Variants in SYNE1 observed in about 807,000 individuals in gnomAD.
The protein encoded by SYNE1 is nesprin-1.
SYNE1 carries 616 observed loss-of-function variants against 1,111.0 expected under a neutral mutation model. The observed-to-expected ratio is 0.55, with a 90% CI of 0.52 to 0.59. SYNE1 has a LOEUF of 0.59. Among genes scored for constraint, SYNE1 ranks in the 20% least tolerant of loss-of-function variants. The pLI is 0.00. For synonymous variants in SYNE1, 3,855 were observed against 3,825.8 expected, an observed-to-expected ratio of 1.01 and a Z score of -0.28; for missense variants, 10,006 against 10,417.0, an observed-to-expected ratio of 0.96 and a Z score of 1.72.
At position 152,419,662 on chromosome 6, in the gene SYNE1, G is replaced by A. The variant is rs763734577; in HGVS notation, c.5328C>T (p.Ser1776=). The A allele has an allele frequency of 6.2e-7, 1 of 1,613,986 alleles. No individual in the cohort carries two copies. The highest frequency in any genetic ancestry group is 8.5e-7 in the Non-Finnish European group (1 of 1,179,970). ...EHQQFDELLL[S]FSVWIKLFLS... ...GAAACAGTTTAATCCAGACAGAAAA[G>A]GAAAGCAGCAGCTCATCAAATTGCT... Residue 1776 remains serine (S), a synonymous_variant, in exon 40 of 146, where the codon TCC becomes TCT. Transcript: ENST00000367255.
chr6:152,250,080 C>A (rs4870088), intron 104 of SYNE1, among the ~76,000 whole-genome samples: 98,367 of 150,960 alleles, frequency 0.65, 32,485 homozygotes, highest in East Asian at 0.88. Flanking sequence ...CGGGGCAACA[C>A]AGTGCACCCG....
At chr6:152,447,727 G>T in intron 28 of SYNE1, 105 bp from the exon 29 acceptor site, 1 of 1,340,554 alleles carries the variant, frequency 7.5e-7, no homozygotes, top group Non-Finnish European at 1.1e-6. Flanking sequence ...GAGCAGAATA[G>T]AGCCAGACAT....
chr6:152,386,972 T>C (rs1380737597), intron 54 of SYNE1, 100 bp downstream of exon 54: 17 of 1,100,834 alleles, frequency 1.5e-5, no homozygotes, highest in Non-Finnish European at 2.0e-5. Flanking sequence ...CACAGTTTCT[T>C]CTTTACCTGA....
intron 40 of SYNE1, among the ~76,000 whole-genome samples, chr6:152,417,230 G>A (rs888778425): frequency 1.3e-5 from 2 of 152,188 alleles, no homozygotes; most frequent in East Asian, 1.9e-4. Flanking sequence ...CAGGCGCGGT[G>A]GCTCACGCCT....
In SYNE1 at chr6:152,183,373, T is replaced by C. The variant is rs542809356; in HGVS notation, c.23302-3079A>G. Among the ~76,000 whole-genome samples the C allele has an allele frequency of 6.0e-4, 91 of 152,058 alleles. 1 individual carries two copies. The highest frequency in any genetic ancestry group is 3.2e-4 in the Non-Finnish European group (22 of 68,002). ...GGCACATGCCTGTAATCCCAGCACT[T>C]TGGGAGGCCGAGGTGGGCAGAGTTC... On this transcript the variant is annotated intron_variant, in intron 128 of 145. Coordinates refer to ENST00000367255, the MANE Select transcript of SYNE1 (RefSeq NM_182961.4).
At chr6:152,353,817 T>A in intron 67 of SYNE1, 73 bp from the exon 68 acceptor site, 1 of 1,582,320 alleles carries the variant, frequency 6.3e-7, no homozygotes. Flanking sequence ...TATCTTCTTA[T>A]AGGAAATGGT....
At chr6:152,235,446 C>T (rs2083780304) in intron 110 of SYNE1, among the ~76,000 whole-genome samples, 1 of 152,132 alleles carries the variant, frequency 6.6e-6, no homozygotes, top group South Asian at 2.1e-4. Context: ...ACTGCAACCT[C>T]CCCTTCCCGG....
chr6:152,619,130 C>T (rs2099669307), intron 3 of SYNE1, among the ~76,000 whole-genome samples: 1 of 151,830 alleles, frequency 6.6e-6, no homozygotes, highest in South Asian at 2.1e-4. Context: ...ATAATAATAA[C>T]CTGGGATGTG....
chr6:152,161,551 G>GT (rs976767203), intron 131 of SYNE1, among the ~76,000 whole-genome samples: 2 of 151,660 alleles, frequency 1.3e-5, no homozygotes, highest in African/African-American at 4.8e-5. Flanking sequence ...CTGTGAGTTT[G>GT]TTTGTTTTGT....
intron 59 of SYNE1, 48 bp downstream of exon 59, chr6:152,372,989 A>G (rs542321299): frequency 6.3e-7 from 1 of 1,597,590 alleles, no homozygotes; most frequent in Non-Finnish European, 8.6e-7. Context: ...AACAACAACA[A>G]CAATAACAAA....
Position 152,256,651 on chromosome 6 carries a change from C to T in SYNE1, c.19087G>A (p.Glu6363Lys), listed in dbSNP as rs886044595. 14 of 1,613,572 alleles carry T rather than the reference C, an allele frequency of 8.7e-6. No individual in the cohort carries two copies. Among genetic ancestry groups the T allele is most frequent in the African/African-American group, 4.0e-5 (3 of 74,886 alleles). Residue 6363 changes from glutamate (E) to lysine (K), a missense_variant, in exon 102 of 146, where the codon GAG (glutamate) becomes AAG (lysine). This residue lies in a region of SYNE1 where 2,182 missense variants were observed against 2,287.8 expected (regional missense o/e 0.95). Transcript: ENST00000367255. Reference sequence around the variant, plus strand: ...AGCCTTACCTGGGATGAAACCTCCTCGAAGGCTTGGTTCAGTCCATCCAGC... The same window carrying T: ...AGCCTTACCTGGGATGAAACCTCCTTGAAGGCTTGGTTCAGTCCATCCAGC... ...SLLDGLNQAF[E>K]EVSSQSGGAK...
At chr6:152,394,892 T>TCTC (rs36009959) in intron 51 of SYNE1, among the ~76,000 whole-genome samples, 58,458 of 149,854 alleles carry the variant, frequency 0.39, 11,850 homozygotes, top group East Asian at 0.75. Context: ...TTCAAGCAAT[T>TCTC]CTGCCTCAGC....
In SYNE1 at chr6:152,141,368, C is replaced by T. The variant is rs764037531; in HGVS notation, c.25120-39G>A. 3 of 1,612,304 alleles carry T rather than the reference C, an allele frequency of 1.9e-6. No homozygotes were observed. The South Asian group carries it at 3.3e-5, about 18-fold the overall frequency. On this transcript the variant is annotated intron_variant, in intron 138 of 145. Coordinates refer to ENST00000367255, the MANE Select transcript of SYNE1 (RefSeq NM_182961.4). The stretch of plus-strand genomic sequence containing the variant: ...AACAACCGGCCCCTGTCACCCAAAT[C>T]TTCATGAGTGCAAAAGCTTCCGGGG...
Position 152,401,329 on chromosome 6 carries a change from C to T in SYNE1, c.6838G>A (p.Asp2280Asn), listed in dbSNP as rs1435576915. Reference sequence around the variant, plus strand: ...GCATGCTCCAGTTTCTGCATTAAGTCTGCTTCTATAAACTAAATATCAAGC... The same window carrying T: ...GCATGCTCCAGTTTCTGCATTAAGTTTGCTTCTATAAACTAAATATCAAGC... Reference protein sequence around the residue: ...TPPDLQFIEADLMQKLEHAKE... With the variant: ...TPPDLQFIEANLMQKLEHAKE... The change falls in exon 47 of 146, where the codon GAC becomes AAC. Residue 2280 changes from aspartate (D) to asparagine (N), a missense_variant. Coordinates refer to ENST00000367255, the MANE Select transcript of SYNE1 (RefSeq NM_182961.4). The T allele has an allele frequency of 6.2e-7, 1 of 1,613,726 alleles. No individual in the cohort carries two copies. The highest frequency in any genetic ancestry group is 1.1e-5 in the South Asian group (1 of 91,080).
intron 3 of SYNE1, among the ~76,000 whole-genome samples, chr6:152,585,584 A>G (rs1214004786): frequency 6.6e-6 from 1 of 152,196 alleles, no homozygotes. Flanking sequence ...CATATTTGTG[A>G]CACATTTTTC....
chr6:152,363,260 C>T (rs1343521216), intron 63 of SYNE1, among the ~76,000 whole-genome samples: 6 of 147,798 alleles, frequency 4.1e-5, no homozygotes, highest in Admixed American at 2.0e-4. Context: ...TTTGGGAGGC[C>T]AAGGCGGGTG....
chr6:152,188,042 T>C (rs1348397502), intron 128 of SYNE1, among the ~76,000 whole-genome samples: 1 of 152,194 alleles, frequency 6.6e-6, no homozygotes. Flanking sequence ...GACAGTTTTA[T>C]ACATTGTTTT....
rs2059968178 is a variant in SYNE1, at chr6:152,148,948, ACT to A, written c.24642+527_24642+528del. Among the ~76,000 whole-genome samples the A allele has an allele frequency of 2.6e-5, 4 of 152,136 alleles. No individual in the cohort carries two copies. Among genetic ancestry groups the A allele is most frequent in the African/African-American group, 9.7e-5 (4 of 41,426 alleles). On this transcript the variant is annotated intron_variant, in intron 136 of 145. Transcript: ENST00000367255. The surrounding 1 kb of genome is among the most constrained non-coding windows in gnomAD (Gnocchi z 4.1). ...GGTTTGATCGTAGAAGATTCCAAAT[ACT>A]CTAATAACATCTCTATAAGTAAGAT...
intron 98 of SYNE1, among the ~76,000 whole-genome samples, chr6:152,275,725 TA>T: frequency 1.5e-5 from 2 of 131,576 alleles, no homozygotes; most frequent in African/African-American, 6.2e-5. Flanking sequence ...TACAAAAAAT[TA>T]AAAAAATTAG....
Sources: gnomAD v4.1 joint callset for allele counts (sites outside exome capture counted in the v4.1 genomes callset) on GRCh38, gnomAD v4.1.1 for gene constraint, gnomAD v4.1.1 regional missense constraint, Gnocchi (gnomAD v3.1) non-coding constraint, MANE v1.5 for transcripts, NCBI Gene and HGNC (gene_info 2026-07-23, HGNC 2026-07-21) for gene names.